TENT5D: variants seen among roughly 807,000 people sequenced by gnomAD.
The protein encoded by TENT5D is terminal nucleotidyltransferase 5D, also known as cancer/testis antigen 112.
For missense variants in TENT5D, 191 were observed against 287.0 expected, an observed-to-expected ratio of 0.67 and a Z score of 2.42; for synonymous variants, 103 against 100.6, an observed-to-expected ratio of 1.02 and a Z score of -0.15.
intron 3 of TENT5D, among the ~76,000 whole-genome samples, chrX:80,397,956 GGAGGGAGAGGGA>G (rs1164439327): frequency 2.8e-5 from 3 of 107,680 alleles, no homozygotes; most frequent in South Asian, 3.9e-4. Flanking sequence ...AGAGGGCGAG[GGAGGGAGAGGGA>G]GAGGGAGAGG....
At chrX:80,397,213 C>T (rs1325356163) in intron 3 of TENT5D, among the ~76,000 whole-genome samples, 24 of 99,813 alleles carry the variant, frequency 2.4e-4, no homozygotes, top group African/African-American at 2.6e-4. Flanking sequence ...ACTTCTCAGA[C>T]GGGGCGGCCG....
intron 3 of TENT5D, among the ~76,000 whole-genome samples, chrX:80,383,414 C>A (rs1930917501): frequency 8.9e-6 from 1 of 111,850 alleles, no homozygotes; most frequent in African/African-American, 3.2e-5. Context: ...TGCCTTCTTT[C>A]TTCTAGAAAA....
upstream of TENT5D, among the ~76,000 whole-genome samples, chrX:80,415,755 C>CT (rs1196154855): frequency 9.0e-6 from 1 of 111,266 alleles, no homozygotes; most frequent in South Asian, 3.7e-4. Context: ...CTGAAGTTTT[C>CT]TTTTTTGTTT....
chrX:80,357,332 G>A (rs780428809), intron 3 of TENT5D, among the ~76,000 whole-genome samples: 14 of 108,897 alleles, frequency 1.3e-4, no homozygotes, highest in East Asian at 5.8e-4. Context: ...CTGAGGAATC[G>A]CCACACTGAC....
At chrX:80,380,183 A>G (rs1265515469) in intron 3 of TENT5D, among the ~76,000 whole-genome samples, 2 of 109,639 alleles carry the variant, frequency 1.8e-5, no homozygotes, top group African/African-American at 6.6e-5. Context: ...GGTTTCAAAG[A>G]ACATCTTTAT....
intron 3 of TENT5D, among the ~76,000 whole-genome samples, chrX:80,378,413 A>G (rs1045943974): frequency 9.0e-6 from 1 of 111,699 alleles, no homozygotes; most frequent in Admixed American, 9.5e-5. Flanking sequence ...TAATTTTTGT[A>G]TAAGGGGTAA....
intron 3 of TENT5D, among the ~76,000 whole-genome samples, chrX:80,399,036 A>G (rs1931342348): frequency 8.9e-6 from 1 of 111,907 alleles, no homozygotes. Flanking sequence ...TGTTGTTTGC[A>G]GATATTTTCT....
chrX:80,367,900 G>A (rs978910776), intron 3 of TENT5D, among the ~76,000 whole-genome samples: 5 of 111,203 alleles, frequency 4.5e-5, no homozygotes, highest in Non-Finnish European at 7.6e-5. Flanking sequence ...TAAAAAAGTA[G>A]TTAGAAAAAA....
intron 3 of TENT5D, among the ~76,000 whole-genome samples, chrX:80,405,783 G>C (rs1391295289): frequency 8.9e-6 from 1 of 112,769 alleles, no homozygotes; most frequent in Non-Finnish European, 1.9e-5. Context: ...GCCTCTGTAG[G>C]CTCCACCTCT....
chrX:80,411,930 G>A lies in TENT5D; in HGVS notation c.-141-26680G>A, dbSNP rs182103914. 3.6e-5 allele frequency among the ~76,000 whole-genome samples: 4 copies of A among 112,111 alleles called. No homozygotes were observed. In the East Asian group the frequency reaches 1.1e-3, roughly 32 times the overall value. ...CATCTTCTCACAGCTCCACTAGGCAGTACCCCAGTAAGGACTCTGTGTGGG... is the reference window on the plus strand; with the variant it reads ...CATCTTCTCACAGCTCCACTAGGCAATACCCCAGTAAGGACTCTGTGTGGG... On this transcript the variant is annotated intron_variant, in intron 3 of 4. Coordinates refer to the TENT5D transcript ENST00000538312.
intron 3 of TENT5D, among the ~76,000 whole-genome samples, chrX:80,381,255 C>A (rs368521420): frequency 8.0e-5 from 9 of 111,825 alleles, no homozygotes; most frequent in African/African-American, 1.6e-4. Flanking sequence ...TGGGTTGAAA[C>A]TTCTTTTCTT....
At chrX:80,424,467 T>C (rs959341831) in intron 1 of TENT5D, among the ~76,000 whole-genome samples, 2 of 112,077 alleles carry the variant, frequency 1.8e-5, no homozygotes, top group African/African-American at 3.2e-5. Flanking sequence ...ACTTGTGGGA[T>C]AATTGCCCAG....
At chrX:80,407,945 T>A (rs1305221039) in intron 3 of TENT5D, among the ~76,000 whole-genome samples, 4 of 108,995 alleles carry the variant, frequency 3.7e-5, no homozygotes, top group African/African-American at 1.3e-4. Context: ...GGATTAAGAA[T>A]CTCACTCAAA....
At chrX:80,415,317 T>A (rs760882662) in intron 3 of TENT5D, among the ~76,000 whole-genome samples, 1 of 111,513 alleles carries the variant, frequency 9.0e-6, no homozygotes, top group Admixed American at 9.6e-5. Context: ...CTGATTTTTC[T>A]AGCTAGGACT....
At chrX:80,409,566 A>C (rs1242467644) in intron 3 of TENT5D, among the ~76,000 whole-genome samples, 1 of 110,668 alleles carries the variant, frequency 9.0e-6, no homozygotes, top group Non-Finnish European at 1.9e-5. Flanking sequence ...TTCAAGCAGA[A>C]CTACAAACCA....
intron 1 of TENT5D, among the ~76,000 whole-genome samples, chrX:80,434,018 T>G (rs1277881459): frequency 9.2e-6 from 1 of 109,224 alleles, no homozygotes; most frequent in Non-Finnish European, 1.9e-5. Context: ...GCGCCTGTAA[T>G]CCCAGCTACC....
intron 3 of TENT5D, among the ~76,000 whole-genome samples, chrX:80,369,795 G>A (rs985348256): frequency 2.7e-5 from 3 of 112,303 alleles, no homozygotes; most frequent in Non-Finnish European, 5.6e-5. Flanking sequence ...GTTTGGCAGG[G>A]CTGCCTGTAG....
At chrX:80,355,688 G>A (rs909958439) in intron 3 of TENT5D, among the ~76,000 whole-genome samples, 9 of 111,700 alleles carry the variant, frequency 8.1e-5, no homozygotes, top group African/African-American at 2.9e-4. Context: ...GCTGCTGGGG[G>A]CCAGGAATGA....
At chrX:80,394,582 A>AG (rs1931206365) in intron 3 of TENT5D, among the ~76,000 whole-genome samples, 1 of 107,810 alleles carries the variant, frequency 9.3e-6, no homozygotes, top group Admixed American at 1.0e-4. Context: ...TTAGTAGAGA[A>AG]GGGGTTTCTC....
Sources: allele counts gnomAD v4.1 joint callset (sites outside exome capture counted in the v4.1 genomes callset), GRCh38; gene constraint gnomAD v4.1.1; transcripts MANE v1.5; gene names NCBI Gene and HGNC (gene_info 2026-07-23, HGNC 2026-07-21).